TMEM108: variants seen among roughly 807,000 people sequenced by gnomAD.
TMEM108 encodes transmembrane protein 108.
TMEM108 carries 12 observed loss-of-function variants against 35.1 expected under a neutral mutation model. The ratio of observed to expected loss-of-function variants is 0.34; its 90% CI spans 0.22 to 0.55. The LOEUF (loss-of-function observed/expected upper bound fraction) is 0.55. Ranked by LOEUF, TMEM108 falls within the 20% of genes least tolerant of loss-of-function variation. TMEM108 has a pLI of 0.89. For missense variants in TMEM108, 680 were observed against 753.3 expected, an observed-to-expected ratio of 0.90 and a Z score of 1.14; for synonymous variants, 287 against 308.6, an observed-to-expected ratio of 0.93 and a Z score of 0.73.
At chr3:133,250,420 T>C (rs1422884204) in intron 3 of TMEM108, among the ~76,000 whole-genome samples, 6 of 152,254 alleles carry the variant, frequency 3.9e-5, no homozygotes, top group African/African-American at 1.4e-4. Context: ...GCTTACTTTA[T>C]TGTAAGAATA....
At chr3:133,199,314 G>A (rs1357941633) in intron 2 of TMEM108, among the ~76,000 whole-genome samples, 1 of 152,210 alleles carries the variant, frequency 6.6e-6, no homozygotes. Context: ...GTCCAGCTTT[G>A]TTCTGTTGCT....
chr3:133,320,623 T>C (rs2071254791), intron 3 of TMEM108, among the ~76,000 whole-genome samples: 1 of 152,210 alleles, frequency 6.6e-6, no homozygotes, highest in Non-Finnish European at 1.5e-5. Context: ...AAAACTTTCC[T>C]GGCCTTGCTA....
At chr3:133,068,143 T>C (rs1458116766) in intron 2 of TMEM108, among the ~76,000 whole-genome samples, 1 of 151,884 alleles carries the variant, frequency 6.6e-6, no homozygotes, top group Non-Finnish European at 1.5e-5. Context: ...ATGTTATCTC[T>C]TAAAGGTCCC....
chr3:133,099,514 T>A (rs1944059309), intron 2 of TMEM108, among the ~76,000 whole-genome samples: 1 of 152,222 alleles, frequency 6.6e-6, no homozygotes, highest in Non-Finnish European at 1.5e-5. Flanking sequence ...TCTTTTCTAC[T>A]GCATCATCAG....
intron 2 of TMEM108, among the ~76,000 whole-genome samples, chr3:133,196,009 T>C (rs1219033354): frequency 6.6e-6 from 1 of 152,244 alleles, no homozygotes; most frequent in Non-Finnish European, 1.5e-5. Flanking sequence ...GACAGTTCTT[T>C]CATTTGGAAT....
intron 3 of TMEM108, among the ~76,000 whole-genome samples, chr3:133,307,407 T>G (rs1277753798): frequency 6.6e-6 from 1 of 152,216 alleles, no homozygotes; most frequent in Non-Finnish European, 1.5e-5. Context: ...TGGCTTTTGT[T>G]GCCATTGCTT....
rs568249215 is a variant in TMEM108, at chr3:133,132,413, A to C, written c.-47+86393A>C. ...TTCTAAGGTCCTTAAGAATGATGCT[A>C]AACTATTATTGCCTGTGCTTTATAA... On this transcript the variant is annotated intron_variant, in intron 2 of 5. Coordinates refer to ENST00000321871, the MANE Select transcript of TMEM108 (RefSeq NM_023943.4). Among the ~76,000 whole-genome samples, 5 of 152,206 alleles carry C rather than the reference A, an allele frequency of 3.3e-5. No individual in the cohort carries two copies. The South Asian group carries it at 1.0e-3, about 31-fold the overall frequency.
chr3:133,316,946 G>A (rs1209247089), intron 3 of TMEM108, among the ~76,000 whole-genome samples: 1 of 152,208 alleles, frequency 6.6e-6, no homozygotes, highest in African/African-American at 2.4e-5. Flanking sequence ...CTGTGGGTGG[G>A]AGAAAATTCC....
intron 5 of TMEM108, among the ~76,000 whole-genome samples, chr3:133,393,011 A>C (rs1353941801): frequency 6.6e-6 from 1 of 152,126 alleles, no homozygotes; most frequent in Non-Finnish European, 1.5e-5. Context: ...TCCCATTCTC[A>C]TGCCCTTCAC....
chr3:133,284,393 G>T (rs905156225), intron 3 of TMEM108, among the ~76,000 whole-genome samples: 19 of 152,288 alleles, frequency 1.2e-4, no homozygotes, highest in Non-Finnish European at 2.5e-4. Flanking sequence ...TTTGTTCAAG[G>T]GGCTAGCAGT....
intron 2 of TMEM108, among the ~76,000 whole-genome samples, chr3:133,208,910 T>C (rs530392833): frequency 4.6e-5 from 7 of 152,328 alleles, no homozygotes; most frequent in African/African-American, 7.2e-5. Context: ...ACTTTTCTTT[T>C]AAAGAGAAAA....
chr3:133,374,527 TA>T (rs2072773814), intron 3 of TMEM108, among the ~76,000 whole-genome samples: 1 of 144,386 alleles, frequency 6.9e-6, no homozygotes, highest in South Asian at 2.2e-4. Context: ...TATATGTGTG[TA>T]TATATAATTT....
intron 2 of TMEM108, among the ~76,000 whole-genome samples, chr3:133,059,357 C>A (rs1490013738): frequency 6.6e-6 from 1 of 152,100 alleles, no homozygotes; most frequent in Non-Finnish European, 1.5e-5. Flanking sequence ...TTGCCTGGTT[C>A]TTGCTGGAGT....
At chr3:133,138,459 A>G (rs1446475452) in intron 2 of TMEM108, among the ~76,000 whole-genome samples, 1 of 152,200 alleles carries the variant, frequency 6.6e-6, no homozygotes, top group Non-Finnish European at 1.5e-5. Flanking sequence ...GTGGCCCAAC[A>G]CAAATCCATA....
At chr3:133,165,806 G>A (rs1945028626) in intron 2 of TMEM108, among the ~76,000 whole-genome samples, 1 of 152,318 alleles carries the variant, frequency 6.6e-6, no homozygotes, top group African/African-American at 2.4e-5. Flanking sequence ...TATTCATGAA[G>A]GTGGTCCTAA....
At chr3:133,233,141 T>C (rs1018088058) in intron 3 of TMEM108, among the ~76,000 whole-genome samples, 2 of 151,862 alleles carry the variant, frequency 1.3e-5, no homozygotes, top group African/African-American at 4.8e-5. Flanking sequence ...CTGCACCCAT[T>C]AACTCGTCAT....
intron 2 of TMEM108, among the ~76,000 whole-genome samples, chr3:133,098,980 A>G (rs528722933): frequency 7.9e-5 from 12 of 152,280 alleles, no homozygotes; most frequent in East Asian, 5.8e-4. Flanking sequence ...GTCACTGCCT[A>G]CAGTAGGGAC....
At position 133,381,077 on chromosome 3, in the gene TMEM108, C is replaced by T; in HGVS notation, c.1366C>T (p.Pro456Ser). 2 of 1,614,188 alleles carry T rather than the reference C, an allele frequency of 1.2e-6. No homozygotes were observed. The highest frequency in any genetic ancestry group is 2.2e-5 in the South Asian group (2 of 91,082). ...NISHVAEGDK[P>S]QHRATICLSK... ...CTCCCATGTGGCCGAGGGGGACAAA[C>T]CGCAGCACAGAGCCACCATCTGCCT... The change falls in exon 4 of 6, where the codon CCG becomes TCG. Residue 456 changes from proline (P) to serine (S), a missense_variant. Pro to Ser is a moderately conservative substitution (Grantham distance 74). Coordinates refer to ENST00000321871, the MANE Select transcript of TMEM108 (RefSeq NM_023943.4).
chr3:133,279,977 TG>T (rs1436697502), intron 3 of TMEM108, among the ~76,000 whole-genome samples: 1 of 152,226 alleles, frequency 6.6e-6, no homozygotes, highest in African/African-American at 2.4e-5. Flanking sequence ...TTAAGAGTTC[TG>T]TGTAGATTAT....
Sources: gnomAD v4.1 joint callset for allele counts (sites outside exome capture counted in the v4.1 genomes callset) on GRCh38, gnomAD v4.1.1 for gene constraint, MANE v1.5 for transcripts, NCBI Gene and HGNC (gene_info 2026-07-23, HGNC 2026-07-21) for gene names.